Variants in ADAMTS3 observed in about 807,000 individuals in gnomAD.
ADAMTS3 encodes the protein A disintegrin and metalloproteinase with thrombospondin motifs 3.
ADAMTS3 carries 73 observed loss-of-function variants against 129.0 expected under a neutral mutation model. The observed-to-expected ratio is 0.57, with a 90% CI of 0.47 to 0.69. The LOEUF (loss-of-function observed/expected upper bound fraction) is 0.69. Among genes scored for constraint, ADAMTS3 ranks in the 30% least tolerant of loss-of-function variants. The pLI is 0.00. For synonymous variants in ADAMTS3, 477 were observed against 510.8 expected, an observed-to-expected ratio of 0.93 and a Z score of 0.89; for missense variants, 1,457 against 1,514.5, an observed-to-expected ratio of 0.96 and a Z score of 0.63.
intron 4 of ADAMTS3, among the ~76,000 whole-genome samples, chr4:72,386,001 T>C (rs979316070): frequency 1.3e-5 from 2 of 152,168 alleles, no homozygotes; most frequent in African/African-American, 4.8e-5. Flanking sequence ...TTTTTAGGCG[T>C]GTTAAGAAAT....
At chr4:72,456,246 A>G (rs113965429) in intron 3 of ADAMTS3, among the ~76,000 whole-genome samples, 235 of 20,878 alleles carry the variant, frequency 0.011, 70 homozygotes, top group South Asian at 0.036. Context: ...TATATTTTAT[A>G]TATAGTATAT....
chr4:72,363,818 A>G (rs919066147), intron 4 of ADAMTS3, among the ~76,000 whole-genome samples: 4 of 152,294 alleles, frequency 2.6e-5, no homozygotes, highest in African/African-American at 9.6e-5. Flanking sequence ...GTGGAAAAAT[A>G]TTTAAAACCT....
intron 3 of ADAMTS3, among the ~76,000 whole-genome samples, chr4:72,498,760 T>C (rs562836555): frequency 1.2e-4 from 18 of 152,124 alleles, no homozygotes; most frequent in South Asian, 2.1e-4. Context: ...CTTTTCTCTT[T>C]AACTTCCCCA....
At chr4:72,539,878 A>G (rs1362391455) in intron 3 of ADAMTS3, among the ~76,000 whole-genome samples, 2 of 152,172 alleles carry the variant, frequency 1.3e-5, no homozygotes, top group African/African-American at 4.8e-5. Context: ...GCCACATGGA[A>G]CTGTGAGTCC....
chr4:72,407,813 T>C (rs1211973868), intron 4 of ADAMTS3, among the ~76,000 whole-genome samples: 3 of 152,168 alleles, frequency 2.0e-5, no homozygotes, highest in Non-Finnish European at 2.9e-5. Context: ...TTCAGACTTG[T>C]AAAACATTTT....
Position 72,295,796 on chromosome 4 carries a change from G to C in ADAMTS3, c.2591-10C>G. The C allele has an allele frequency of 6.2e-7, 1 of 1,608,066 alleles. No homozygotes were observed. Among genetic ancestry groups the C allele is most frequent in the African/African-American group, 1.3e-5 (1 of 74,622 alleles). On this transcript the variant is annotated splice_polypyrimidine_tract_variant and intron_variant, in intron 18 of 21. Transcript: ENST00000286657. ...TTAGTGTACTGGAAACCTGGAAAAG[G>C]AAATAAAGTTCTTTGGATTTAATCA...
chr4:72,335,389 G>T (rs1261162187), intron 5 of ADAMTS3, among the ~76,000 whole-genome samples: 8 of 152,110 alleles, frequency 5.3e-5, no homozygotes, highest in Non-Finnish European at 8.8e-5. Context: ...AAATATATTT[G>T]TATCCAAAAG....
intron 4 of ADAMTS3, among the ~76,000 whole-genome samples, chr4:72,375,585 A>C (rs1017126527): frequency 2.6e-5 from 4 of 152,164 alleles, no homozygotes; most frequent in Non-Finnish European, 5.9e-5. Context: ...ATCTCTAAGG[A>C]AGTGACATCA....
intron 3 of ADAMTS3, among the ~76,000 whole-genome samples, chr4:72,417,188 T>A (rs1019227575): frequency 2.0e-5 from 3 of 152,210 alleles, no homozygotes; most frequent in African/African-American, 7.2e-5. Flanking sequence ...TCATTGTTTA[T>A]TCGGATTACA....
chr4:72,424,670 C>A (rs1165288875), intron 3 of ADAMTS3, among the ~76,000 whole-genome samples: 3 of 144,984 alleles, frequency 2.1e-5, no homozygotes, highest in East Asian at 2.0e-4. Context: ...CAATATCATA[C>A]CCTGTTTGTT....
chr4:72,509,248 T>C (rs1720247298), intron 3 of ADAMTS3, among the ~76,000 whole-genome samples: 2 of 146,340 alleles, frequency 1.4e-5, no homozygotes, highest in African/African-American at 2.5e-5. Context: ...AACCCAAAAT[T>C]AGTAGAAGAA....
intron 3 of ADAMTS3, among the ~76,000 whole-genome samples, chr4:72,535,889 A>C (rs897444626): frequency 6.6e-6 from 1 of 152,198 alleles, no homozygotes; most frequent in Non-Finnish European, 1.5e-5. Flanking sequence ...TCCCAAATAC[A>C]TCTCATCCTG....
chr4:72,468,221 C>G (rs1264619462), intron 3 of ADAMTS3, among the ~76,000 whole-genome samples: 1 of 152,076 alleles, frequency 6.6e-6, no homozygotes, highest in Non-Finnish European at 1.5e-5. Flanking sequence ...AAAAGCATTA[C>G]ATGTAATATA....
intron 5 of ADAMTS3, among the ~76,000 whole-genome samples, chr4:72,334,391 C>T (rs936737469): frequency 6.6e-6 from 1 of 152,064 alleles, no homozygotes; most frequent in African/African-American, 2.4e-5. Context: ...TATTGCATGT[C>T]TACCACACGG....
chr4:72,306,172 G>C (rs1301021911), intron 15 of ADAMTS3, 105 bp from the exon 16 acceptor site: 164 of 705,466 alleles, frequency 2.3e-4, no homozygotes, highest in Admixed American at 3.2e-5. Context: ...GCAGAAGAGG[G>C]CATCCATAAA....
intron 4 of ADAMTS3, among the ~76,000 whole-genome samples, chr4:72,406,793 C>T (rs1246456596): frequency 1.3e-5 from 2 of 152,016 alleles, no homozygotes; most frequent in East Asian, 3.9e-4. Flanking sequence ...TAATTTTGTC[C>T]AATTTATGTG....
At chr4:72,532,778 T>C (rs963960408) in intron 3 of ADAMTS3, among the ~76,000 whole-genome samples, 2 of 152,106 alleles carry the variant, frequency 1.3e-5, no homozygotes, top group South Asian at 2.1e-4. Flanking sequence ...TAGGAAACTG[T>C]CATAACATAG....
intron 5 of ADAMTS3, among the ~76,000 whole-genome samples, chr4:72,335,781 A>C (rs1002317633): frequency 6.6e-6 from 1 of 152,198 alleles, no homozygotes; most frequent in African/African-American, 2.4e-5. Flanking sequence ...TTTATTTCTT[A>C]AACACTGCTC....
chr4:72,302,896 T>TA lies in ADAMTS3; in HGVS notation c.2424+1020dup, dbSNP rs1411625273. On this transcript the variant is annotated intron_variant, in intron 17 of 21. Coordinates refer to ENST00000286657, the MANE Select transcript of ADAMTS3 (RefSeq NM_014243.3). ...AAGAGGGCTCCTGTATATTGGCCCC[T>TA]AGGTTCTTTCTTCACAGCAGGCTGA... 5.9e-5 allele frequency among the ~76,000 whole-genome samples: 9 copies of TA among 152,270 alleles called. No individual in the cohort carries two copies. In the East Asian group the frequency reaches 1.7e-3, roughly 29 times the overall value.
Sources: gnomAD v4.1 joint callset for allele counts (sites outside exome capture counted in the v4.1 genomes callset) on GRCh38, gnomAD v4.1.1 for gene constraint, MANE v1.5 for transcripts, NCBI Gene and HGNC (gene_info 2026-07-23, HGNC 2026-07-21) for gene names.